The following RERE variants were observed in gnomAD, a reference collection of about 807,000 sequenced individuals.
RERE encodes the protein arginine-glutamic acid dipeptide repeats protein.
RERE carries 40 observed loss-of-function variants against 146.1 expected under a neutral mutation model. The observed-to-expected ratio is 0.27, with a 90% CI of 0.21 to 0.36. RERE has a LOEUF of 0.36. Ranked by LOEUF, RERE falls within the 10% of genes least tolerant of loss-of-function variation. The probability of loss-of-function intolerance (pLI) is 1.00; values close to 1 mark genes in which losing one functional copy is unlikely to be tolerated. For synonymous variants in RERE, 1,003 were observed against 866.0 expected, an observed-to-expected ratio of 1.16 and a Z score of -2.78; for missense variants, 1,933 against 2,138.7, an observed-to-expected ratio of 0.90 and a Z score of 1.90.
At chr1:8,431,491 C>T (rs760031678) in intron 11 of RERE, among the ~76,000 whole-genome samples, 4 of 152,134 alleles carry the variant, frequency 2.6e-5, no homozygotes, top group Non-Finnish European at 5.9e-5. Context: ...TAATTCATTA[C>T]ATATTACAAT....
At chr1:8,416,114 C>T (rs370651001) in intron 12 of RERE, among the ~76,000 whole-genome samples, 8 of 152,148 alleles carry the variant, frequency 5.3e-5, no homozygotes, top group South Asian at 2.1e-4. Flanking sequence ...CAAGAGAAGG[C>T]CATCCTTCCA....
intron 2 of RERE, among the ~76,000 whole-genome samples, chr1:8,634,168 G>T (rs897784818): frequency 6.6e-6 from 1 of 152,064 alleles, no homozygotes; most frequent in South Asian, 2.1e-4. Flanking sequence ...TCCTCACGCT[G>T]CTGCTACTAC....
chr1:8,545,676 T>TA (rs1275910834), intron 6 of RERE, among the ~76,000 whole-genome samples: 1 of 147,294 alleles, frequency 6.8e-6, no homozygotes, highest in Non-Finnish European at 1.5e-5. Context: ...AAATTATTAA[T>TA]AAAAAATTCT....
In RERE at chr1:8,786,444, T is replaced by C. The variant is rs573167720; in HGVS notation, c.-145+30716A>G. On this transcript the variant is annotated intron_variant, in intron 1 of 22. Transcript: ENST00000400908. ...TCAAAGCGTTATCTGTCAAAGCAATTTGTTTATTCATCTTGCCATAACCAC... is the reference window on the plus strand; with the variant it reads ...TCAAAGCGTTATCTGTCAAAGCAATCTGTTTATTCATCTTGCCATAACCAC... 5.6e-6 allele frequency: 5 copies of C among 899,276 alleles called. No homozygotes were observed. The African/African-American group carries it at 6.5e-5, about 12-fold the overall frequency. The allele number at this position is 899,276 out of a possible 1,614,324, so 55.7% of individuals were successfully genotyped here.
At chr1:8,715,425 C>T (rs147532114) in intron 1 of RERE, among the ~76,000 whole-genome samples, 7,047 of 151,816 alleles carry the variant, frequency 0.046, 539 homozygotes, top group African/African-American at 0.16. Context: ...GCAGGAGAAT[C>T]GCTTGAACCC....
chr1:8,795,524 C>T (rs1397951884), intron 1 of RERE, among the ~76,000 whole-genome samples: 1 of 152,100 alleles, frequency 6.6e-6, no homozygotes, highest in Admixed American at 6.5e-5. Context: ...GTACTACTGT[C>T]CCTATTTGAC....
intron 2 of RERE, among the ~76,000 whole-genome samples, chr1:8,633,871 G>A (rs1399694917): frequency 1.3e-5 from 2 of 152,146 alleles, no homozygotes; most frequent in Non-Finnish European, 2.9e-5. Flanking sequence ...AGAAGCTACA[G>A]TGAACAGAGA....
At chr1:8,519,459 GT>G (rs1451182359) in intron 7 of RERE, among the ~76,000 whole-genome samples, 13 of 152,032 alleles carry the variant, frequency 8.6e-5, no homozygotes, top group Non-Finnish European at 1.6e-4. Flanking sequence ...ATAAGTTTCA[GT>G]ACCCAGGTTT....
intron 3 of RERE, among the ~76,000 whole-genome samples, chr1:8,618,998 A>G (rs928436585): frequency 7.9e-5 from 12 of 152,208 alleles, no homozygotes. Flanking sequence ...ACCAGGCATA[A>G]GAGAGAAATT....
chr1:8,559,300 A>C (rs1261371917), intron 4 of RERE, among the ~76,000 whole-genome samples: 2 of 145,870 alleles, frequency 1.4e-5, no homozygotes, highest in South Asian at 2.2e-4. Context: ...AAAAAAAAAA[A>C]AAAACAGAAC....
At chr1:8,695,856 T>G (rs1639318944) in intron 1 of RERE, among the ~76,000 whole-genome samples, 1 of 152,092 alleles carries the variant, frequency 6.6e-6, no homozygotes. Flanking sequence ...ATACCCAGAA[T>G]CTATAAGGAA....
intron 1 of RERE, among the ~76,000 whole-genome samples, chr1:8,783,554 A>G (rs1157258435): frequency 1.3e-5 from 2 of 152,070 alleles, no homozygotes; most frequent in Non-Finnish European, 2.9e-5. Context: ...AATGCAAATA[A>G]TGCACTATGG....
chr1:8,490,707 A>G (rs949727549), intron 10 of RERE, among the ~76,000 whole-genome samples: 1 of 150,438 alleles, frequency 6.6e-6, no homozygotes. Flanking sequence ...TTCCTGTAAC[A>G]TTCCGCGAAA....
intron 11 of RERE, among the ~76,000 whole-genome samples, chr1:8,445,433 T>G (rs1448503824): frequency 6.6e-6 from 1 of 152,202 alleles, no homozygotes; most frequent in Non-Finnish European, 1.5e-5. Context: ...CTTGGCACCT[T>G]CCATTCTGTC....
intron 8 of RERE, among the ~76,000 whole-genome samples, chr1:8,500,667 G>A (rs531835564): frequency 4.1e-5 from 6 of 144,616 alleles, no homozygotes; most frequent in African/African-American, 1.3e-4. Flanking sequence ...CTGCCTGGCC[G>A]CCCATCGTCT....
At chr1:8,384,969 C>CAA (rs1275240986) in intron 12 of RERE, among the ~76,000 whole-genome samples, 2 of 152,200 alleles carry the variant, frequency 1.3e-5, no homozygotes, top group African/African-American at 2.4e-5. Flanking sequence ...CAGCACCTAA[C>CAA]AAGTCTCTCG....
chr1:8,496,550 G>A (rs180996059), intron 9 of RERE, among the ~76,000 whole-genome samples: 219 of 152,152 alleles, frequency 1.4e-3, no homozygotes, highest in African/African-American at 5.1e-3. Context: ...CCCATCCAGG[G>A]TTAAAATTCA....
At chr1:8,648,140 AG>A (rs1243705906) in intron 2 of RERE, among the ~76,000 whole-genome samples, 1 of 152,184 alleles carries the variant, frequency 6.6e-6, no homozygotes, top group African/African-American at 2.4e-5. Context: ...CAAACACCAA[AG>A]ATTAGTTGTG....
chr1:8,638,306 A>T (rs1308836277), intron 2 of RERE, among the ~76,000 whole-genome samples: 3 of 152,180 alleles, frequency 2.0e-5, no homozygotes, highest in Non-Finnish European at 4.4e-5. Flanking sequence ...ATAGGAGAAT[A>T]CCTATAATTT....
Sources: allele counts gnomAD v4.1 joint callset (sites outside exome capture counted in the v4.1 genomes callset), GRCh38; gene constraint gnomAD v4.1.1; transcripts MANE v1.5; gene names NCBI Gene and HGNC (gene_info 2026-07-23, HGNC 2026-07-21).